The following KCNH8 variants were observed in gnomAD, a reference collection of about 807,000 sequenced individuals.
KCNH8 encodes potassium voltage-gated channel subfamily H member 8, also known as voltage-gated delayed rectifier potassium channel KCNH8.
Under a neutral mutation model 103.6 loss-of-function variants are expected in KCNH8, and 70 were observed. That is an observed-to-expected ratio of 0.68 (90% CI 0.56 to 0.82). KCNH8 has a LOEUF of 0.82. Among genes scored for constraint, KCNH8 ranks in the 40% least tolerant of loss-of-function variants. The pLI, the probability that KCNH8 is intolerant of heterozygous loss-of-function variation, is 0.00. For synonymous variants in KCNH8, 498 were observed against 489.4 expected (o/e 1.02, Z -0.23); for missense variants, 1,217 against 1,329.9 (o/e 0.92, Z 1.32).
chr3:19,301,620 C>T (rs1281718429), intron 3 of KCNH8, among the ~76,000 whole-genome samples: 1 of 152,036 alleles, frequency 6.6e-6, no homozygotes, highest in East Asian at 1.9e-4. Flanking sequence ...CTGTGGACAC[C>T]AAGTGGGTGT....
At chr3:19,261,185 A>T (rs994299380) in intron 2 of KCNH8, among the ~76,000 whole-genome samples, 3 of 151,536 alleles carry the variant, frequency 2.0e-5, no homozygotes, top group Non-Finnish European at 4.4e-5. Context: ...ACTGTTTTTC[A>T]TAATGGCTTC....
intron 15 of KCNH8, among the ~76,000 whole-genome samples, chr3:19,530,614 T>A (rs1418766660): frequency 6.6e-6 from 1 of 152,210 alleles, no homozygotes; most frequent in Non-Finnish European, 1.5e-5. Context: ...GATATTTTAC[T>A]GTGTTTAATC....
At chr3:19,170,789 C>CATATAT (rs35694087) in intron 1 of KCNH8, among the ~76,000 whole-genome samples, 5 of 108,056 alleles carry the variant, frequency 4.6e-5, no homozygotes, top group Non-Finnish European at 7.0e-5. Context: ...CACACACACA[C>CATATAT]ATATATATAT....
chr3:19,429,188 T>G, intron 7 of KCNH8, among the ~76,000 whole-genome samples: 1 of 81,772 alleles, frequency 1.2e-5, no homozygotes, highest in African/African-American at 5.1e-5. Context: ...TTTTTTTTTT[T>G]GGAGACAAGA....
chr3:19,445,477 G>A (rs998355472), intron 8 of KCNH8, among the ~76,000 whole-genome samples: 2 of 151,810 alleles, frequency 1.3e-5, no homozygotes, highest in African/African-American at 4.8e-5. Flanking sequence ...AACTTGTTCT[G>A]TATGTATCTT....
At chr3:19,378,822 G>T (rs1342571246) in intron 5 of KCNH8, among the ~76,000 whole-genome samples, 1 of 152,182 alleles carries the variant, frequency 6.6e-6, no homozygotes, top group Admixed American at 6.5e-5. Flanking sequence ...AAACTTCAGA[G>T]CCTAATATCA....
intron 1 of KCNH8, among the ~76,000 whole-genome samples, chr3:19,252,774 A>G (rs1170284399): frequency 6.6e-6 from 1 of 152,152 alleles, no homozygotes; most frequent in African/African-American, 2.4e-5. Flanking sequence ...TAATCTCATT[A>G]ATTCCTACAA....
chr3:19,461,118 G>T (rs1204625512), intron 11 of KCNH8, among the ~76,000 whole-genome samples: 1 of 152,134 alleles, frequency 6.6e-6, no homozygotes, highest in Non-Finnish European at 1.5e-5. Context: ...TGATTGGAGG[G>T]TTAGTTCAAT....
At chr3:19,251,571 A>C (rs1482066519) in intron 1 of KCNH8, among the ~76,000 whole-genome samples, 1 of 152,150 alleles carries the variant, frequency 6.6e-6, no homozygotes, top group Non-Finnish European at 1.5e-5. Context: ...AAAGCTTAAA[A>C]GGAGATGGAG....
At chr3:19,298,869 C>T (rs1162825795) in intron 3 of KCNH8, among the ~76,000 whole-genome samples, 3 of 148,734 alleles carry the variant, frequency 2.0e-5, no homozygotes, top group Non-Finnish European at 4.4e-5. Flanking sequence ...TTGCAGTGAG[C>T]CGAGATCGCG....
At chr3:19,385,170 A>C (rs1482816092) in intron 5 of KCNH8, among the ~76,000 whole-genome samples, 7 of 152,146 alleles carry the variant, frequency 4.6e-5, no homozygotes. Flanking sequence ...GAACAAAACT[A>C]GAATAAAGGA....
intron 1 of KCNH8, among the ~76,000 whole-genome samples, chr3:19,213,859 G>A (rs1415299725): frequency 6.6e-6 from 1 of 152,160 alleles, no homozygotes; most frequent in Non-Finnish European, 1.5e-5. Flanking sequence ...GACATCTAGT[G>A]AAGTCTACTC....
At chr3:19,464,027 A>G (rs1056336923) in intron 11 of KCNH8, among the ~76,000 whole-genome samples, 5 of 152,152 alleles carry the variant, frequency 3.3e-5, no homozygotes, top group Admixed American at 1.3e-4. Context: ...TCCTAAGCTA[A>G]TTATAAACTA....
chr3:19,272,898 G>A (rs755827197), intron 2 of KCNH8, among the ~76,000 whole-genome samples: 1 of 151,786 alleles, frequency 6.6e-6, no homozygotes, highest in Non-Finnish European at 1.5e-5. Context: ...TAGAATATAC[G>A]TCCTTTCAGG....
chr3:19,336,268 C>G (rs750162110), intron 3 of KCNH8, among the ~76,000 whole-genome samples: 9 of 151,540 alleles, frequency 5.9e-5, no homozygotes, highest in Non-Finnish European at 1.0e-4. Flanking sequence ...TAAAAACAGT[C>G]TTTTATTTCC....
intron 1 of KCNH8, among the ~76,000 whole-genome samples, chr3:19,205,877 A>C (rs2063709155): frequency 6.6e-6 from 1 of 151,786 alleles, no homozygotes; most frequent in Admixed American, 6.6e-5. Context: ...TAAGTTCTTT[A>C]GTGGTGATTT....
At chr3:19,497,105 G>C (rs1018852209) in intron 11 of KCNH8, among the ~76,000 whole-genome samples, 1 of 151,960 alleles carries the variant, frequency 6.6e-6, no homozygotes, top group Non-Finnish European at 1.5e-5. Flanking sequence ...CATCCCCTTT[G>C]TTATTTCTAA....
chr3:19,257,379 G>A (rs893731637), intron 2 of KCNH8, among the ~76,000 whole-genome samples: 1 of 151,928 alleles, frequency 6.6e-6, no homozygotes. Flanking sequence ...ATCATCTCTG[G>A]TTTTCCCTAT....
chr3:19,421,333 T>A (rs2066948149), intron 7 of KCNH8, among the ~76,000 whole-genome samples: 1 of 152,128 alleles, frequency 6.6e-6, no homozygotes, highest in Admixed American at 6.5e-5. Context: ...ACCTCCCATT[T>A]TAAGATGTTT....
Sources: allele counts gnomAD v4.1 joint callset (sites outside exome capture counted in the v4.1 genomes callset), GRCh38; gene constraint gnomAD v4.1.1; transcripts MANE v1.5; gene names NCBI Gene and HGNC (gene_info 2026-07-23, HGNC 2026-07-21).